ZNF804A: variants seen among roughly 807,000 people sequenced by gnomAD.
ZNF804A encodes zinc finger protein 804A.
Under a neutral mutation model 16.5 loss-of-function variants are expected in ZNF804A, and 2 were observed. The ratio of observed to expected loss-of-function variants is 0.12; its 90% confidence interval spans 0.05 to 0.38. The LOEUF (loss-of-function observed/expected upper bound fraction) is 0.38. ZNF804A is among the 10% of genes least tolerant of loss of function. The pLI is 0.99. For missense variants in ZNF804A, 1,473 were observed against 1,390.7 expected, an observed-to-expected ratio of 1.06 and a Z score of -0.94; for synonymous variants, 534 against 489.6, an observed-to-expected ratio of 1.09 and a Z score of -1.20.
At chr2:184,794,566 A>G (rs1574215753) in intron 1 of ZNF804A, among the ~76,000 whole-genome samples, 1 of 152,104 alleles carries the variant, frequency 6.6e-6, no homozygotes, top group East Asian at 1.9e-4. Context: ...CATAGTACCT[A>G]TAGAACAAAA....
chr2:184,740,364 C>T (rs1426373929), intron 1 of ZNF804A, among the ~76,000 whole-genome samples: 1 of 152,162 alleles, frequency 6.6e-6, no homozygotes, highest in Non-Finnish European at 1.5e-5. Context: ...TGTTAAATAG[C>T]ATTAGAGTGT....
chr2:184,739,785 C>T (rs1693685630), intron 1 of ZNF804A, among the ~76,000 whole-genome samples: 1 of 152,152 alleles, frequency 6.6e-6, no homozygotes, highest in Non-Finnish European at 1.5e-5. Flanking sequence ...CTTTAATCTC[C>T]CCTGCTCTTC....
chr2:184,876,195 G>A (rs896788490), intron 2 of ZNF804A, among the ~76,000 whole-genome samples: 1 of 152,102 alleles, frequency 6.6e-6, no homozygotes, highest in African/African-American at 2.4e-5. Flanking sequence ...AACAGATTTA[G>A]CCCCAAATTT....
chr2:184,609,745 C>T (rs1355345253), intron 1 of ZNF804A, among the ~76,000 whole-genome samples: 3 of 152,188 alleles, frequency 2.0e-5, no homozygotes, highest in Non-Finnish European at 2.9e-5. Context: ...CCTCGTGACC[C>T]GATTATCTCC....
chr2:184,784,705 T>C (rs1484476793), intron 1 of ZNF804A, among the ~76,000 whole-genome samples: 2 of 151,998 alleles, frequency 1.3e-5, no homozygotes, highest in East Asian at 3.9e-4. Context: ...ATAAATTTTG[T>C]TCTCCTGAGG....
chr2:184,645,688 G>T (rs943000961), intron 1 of ZNF804A, among the ~76,000 whole-genome samples: 3 of 152,172 alleles, frequency 2.0e-5, no homozygotes, highest in Non-Finnish European at 4.4e-5. Flanking sequence ...TTTTCCCAAA[G>T]ATGGGGGATT....
chr2:184,768,341 A>G (rs1694161738), intron 1 of ZNF804A, among the ~76,000 whole-genome samples: 1 of 152,070 alleles, frequency 6.6e-6, no homozygotes, highest in Admixed American at 6.6e-5. Context: ...ATATCAAAAG[A>G]CCACTATACT....
chr2:184,859,592 A>G (rs1695759848), intron 1 of ZNF804A, among the ~76,000 whole-genome samples: 1 of 152,148 alleles, frequency 6.6e-6, no homozygotes, highest in Non-Finnish European at 1.5e-5. Context: ...AGCAGTTTTT[A>G]TATCTCCATT....
chr2:184,788,734 GTAGTCTT>G (rs1315028370), intron 1 of ZNF804A, among the ~76,000 whole-genome samples: 3 of 151,930 alleles, frequency 2.0e-5, no homozygotes, highest in African/African-American at 4.8e-5. Flanking sequence ...AGTCTTTAGA[GTAGTCTT>G]TAGAGTTTTC....
At chr2:184,614,601 A>T (rs1345386813) in intron 1 of ZNF804A, among the ~76,000 whole-genome samples, 1 of 152,204 alleles carries the variant, frequency 6.6e-6, no homozygotes, top group Non-Finnish European at 1.5e-5. Flanking sequence ...TTTAACTCTC[A>T]CAATTAATTT....
chr2:184,866,402 G>A lies in ZNF804A; in HGVS notation c.145G>A (p.Ala49Thr). The A allele has an allele frequency of 6.2e-7, 1 of 1,613,204 alleles. No homozygotes were observed. The highest frequency in any genetic ancestry group is 2.2e-5 in the East Asian group (1 of 44,698). The change falls in exon 2 of 4, where the codon GCT (alanine) becomes ACT (threonine). Residue 49 changes from alanine (A) to threonine (T), a missense_variant. By Grantham distance (58) the Ala-to-Thr change is moderately conservative. Coordinates refer to ENST00000302277, the MANE Select transcript of ZNF804A (RefSeq NM_194250.2). ...YAEKENTIAK[A>T]LEDLKANFYC... ...TGAGAAGGAAAATACCATAGCAAAA[G>A]CTCTGGAAGATCTGAAGGCAAATTT...
At chr2:184,823,116 G>C (rs1009936289) in intron 1 of ZNF804A, among the ~76,000 whole-genome samples, 1 of 152,054 alleles carries the variant, frequency 6.6e-6, no homozygotes, top group Non-Finnish European at 1.5e-5. Flanking sequence ...AACTCTAGCA[G>C]GTTTGGTATT....
At chr2:184,895,225 GGT>G (rs374137627) in intron 2 of ZNF804A, among the ~76,000 whole-genome samples, 9 of 151,022 alleles carry the variant, frequency 6.0e-5, no homozygotes, top group African/African-American at 7.3e-5. Context: ...GGTGGGTGGG[GGT>G]GTGTGTGTGT....
At chr2:184,719,006 G>A (rs985837295) in intron 1 of ZNF804A, among the ~76,000 whole-genome samples, 3 of 152,176 alleles carry the variant, frequency 2.0e-5, no homozygotes, top group African/African-American at 7.2e-5. Flanking sequence ...TTCTCCATGA[G>A]GGCCCCATCC....
At chr2:184,920,057 G>A (rs1216475989) in intron 2 of ZNF804A, among the ~76,000 whole-genome samples, 2 of 152,270 alleles carry the variant, frequency 1.3e-5, no homozygotes, top group East Asian at 3.9e-4. Flanking sequence ...GGAGGTTGCG[G>A]TGAGCCTAGA....
At chr2:184,899,226 A>G (rs562825633) in intron 2 of ZNF804A, among the ~76,000 whole-genome samples, 98 of 151,986 alleles carry the variant, frequency 6.4e-4, no homozygotes, top group Non-Finnish European at 1.3e-3. Context: ...TAAATATAAG[A>G]TGTATATGTG....
At chr2:184,805,669 A>T (rs1483977638) in intron 1 of ZNF804A, among the ~76,000 whole-genome samples, 1 of 152,072 alleles carries the variant, frequency 6.6e-6, no homozygotes, top group Non-Finnish European at 1.5e-5. Flanking sequence ...AAAAGATTTT[A>T]ACCTCTTTTT....
At chr2:184,766,302 G>C (rs1694126253) in intron 1 of ZNF804A, among the ~76,000 whole-genome samples, 1 of 152,106 alleles carries the variant, frequency 6.6e-6, no homozygotes, top group East Asian at 1.9e-4. Context: ...AAGAATATTA[G>C]TAGATAAGTT....
intron 1 of ZNF804A, among the ~76,000 whole-genome samples, chr2:184,611,199 G>A (rs939780374): frequency 6.6e-6 from 1 of 152,102 alleles, no homozygotes; most frequent in Non-Finnish European, 1.5e-5. Context: ...TGAGGGTGGA[G>A]TTCTCATGAC....
Sources: allele counts gnomAD v4.1 joint callset (sites outside exome capture counted in the v4.1 genomes callset), GRCh38; gene constraint gnomAD v4.1.1; transcripts MANE v1.5; gene names NCBI Gene and HGNC (gene_info 2026-07-23, HGNC 2026-07-21).